The following NXN variants were observed in gnomAD, a reference collection of about 807,000 sequenced individuals.
NXN encodes nucleoredoxin 1.
NXN carries 16 observed loss-of-function variants against 48.6 expected under a neutral mutation model. The observed-to-expected ratio is 0.33, with a 90% CI of 0.22 to 0.50. NXN has a LOEUF of 0.50. Among genes scored for constraint, NXN ranks in the 20% least tolerant of loss-of-function variants. The probability of loss-of-function intolerance (pLI) is 0.98; values close to 1 mark genes in which losing one functional copy is unlikely to be tolerated. For synonymous variants in NXN, 281 were observed against 269.6 expected (o/e 1.04, Z -0.41); for missense variants, 492 against 605.5 (o/e 0.81, Z 1.97).
intron 1 of NXN, among the ~76,000 whole-genome samples, chr17:912,091 C>T (rs1431365478): frequency 2.0e-5 from 3 of 151,954 alleles, no homozygotes; most frequent in East Asian, 1.9e-4. Flanking sequence ...GCGCCCGCTA[C>T]CACGCACGGC....
At chr17:827,895 A>AG (rs1913220458) in intron 1 of NXN, among the ~76,000 whole-genome samples, 1 of 152,086 alleles carries the variant, frequency 6.6e-6, no homozygotes, top group South Asian at 2.1e-4. Context: ...CGAAGCGGTG[A>AG]GGGGCAGGGC....
At chr17:841,339 C>A (rs1256714510) in intron 1 of NXN, among the ~76,000 whole-genome samples, 1 of 152,090 alleles carries the variant, frequency 6.6e-6, no homozygotes, top group Non-Finnish European at 1.5e-5. Flanking sequence ...CCTGGTGCCG[C>A]CAACCCTGCC....
At chr17:875,528 C>G (rs899586101) in intron 1 of NXN, among the ~76,000 whole-genome samples, 16 of 152,152 alleles carry the variant, frequency 1.1e-4, no homozygotes, top group African/African-American at 3.6e-4. Flanking sequence ...TCACTACACA[C>G]TTAAGAGCAG....
chr17:924,062 C>T (rs947956652), intron 1 of NXN, among the ~76,000 whole-genome samples: 1 of 151,412 alleles, frequency 6.6e-6, no homozygotes. Flanking sequence ...TTTTCAAATT[C>T]TCAAAAAGTT....
intron 1 of NXN, among the ~76,000 whole-genome samples, chr17:971,177 C>T (rs2069373207): frequency 6.6e-6 from 1 of 151,970 alleles, no homozygotes; most frequent in Admixed American, 6.6e-5. Flanking sequence ...AACTCCCAAC[C>T]TCAGGTGATC....
At chr17:903,593 G>A (rs527407205) in intron 1 of NXN, among the ~76,000 whole-genome samples, 1 of 151,518 alleles carries the variant, frequency 6.6e-6, no homozygotes, top group South Asian at 2.1e-4. Flanking sequence ...TTGTTGCACA[G>A]GCTGGTCTCA....
chr17:812,923 T>TGC (rs1357621426), intron 5 of NXN, among the ~76,000 whole-genome samples: 2 of 149,180 alleles, frequency 1.3e-5, no homozygotes, highest in Non-Finnish European at 3.0e-5. Flanking sequence ...TGTAGGTGTG[T>TGC]GCGTGTGTGA....
chr17:827,122 T>C (rs1384183049), intron 1 of NXN, among the ~76,000 whole-genome samples: 1 of 152,028 alleles, frequency 6.6e-6, no homozygotes, highest in Non-Finnish European at 1.5e-5. Context: ...TTTGGGAGGA[T>C]CACCTGAGGT....
intron 5 of NXN, among the ~76,000 whole-genome samples, chr17:812,747 TGA>T (rs372701766): frequency 0.016 from 1,880 of 120,470 alleles, 24 homozygotes; most frequent in East Asian, 0.038. Context: ...GGTGCGTGAG[TGA>T]GAGTGTGCAT....
intron 1 of NXN, among the ~76,000 whole-genome samples, chr17:831,104 G>A (rs919029437): frequency 1.3e-5 from 2 of 151,892 alleles, no homozygotes; most frequent in Non-Finnish European, 1.5e-5. Flanking sequence ...ACAGGAAAAA[G>A]GGCGAGACCT....
chr17:862,895 G>T (rs535032582), intron 1 of NXN, among the ~76,000 whole-genome samples: 1 of 152,162 alleles, frequency 6.6e-6, no homozygotes, highest in South Asian at 2.1e-4. Context: ...TGCTCTAAAC[G>T]TATCAATGCT....
intron 1 of NXN, among the ~76,000 whole-genome samples, chr17:852,133 G>A (rs1165715698): frequency 1.3e-5 from 2 of 152,244 alleles, no homozygotes; most frequent in African/African-American, 2.4e-5. Flanking sequence ...ATCCCTGCAT[G>A]CCGGCCAAGG....
chr17:887,399 T>C (rs943016372), intron 1 of NXN, among the ~76,000 whole-genome samples: 2 of 152,044 alleles, frequency 1.3e-5, no homozygotes, highest in Non-Finnish European at 1.5e-5. Context: ...GTTCATGAGC[T>C]CTTGTCACCA....
intron 1 of NXN, among the ~76,000 whole-genome samples, chr17:859,272 G>A (rs2068018200): frequency 6.6e-6 from 1 of 152,174 alleles, no homozygotes; most frequent in Non-Finnish European, 1.5e-5. Flanking sequence ...GTTCAAAGCG[G>A]TCGTTTGGAA....
At chr17:850,421 G>A (rs1005204832) in intron 1 of NXN, among the ~76,000 whole-genome samples, 4 of 152,178 alleles carry the variant, frequency 2.6e-5, no homozygotes, top group Admixed American at 6.5e-5. Flanking sequence ...ATACACAAAC[G>A]TTTCACATGT....
intron 1 of NXN, among the ~76,000 whole-genome samples, chr17:972,565 A>C (rs1473892349): frequency 1.3e-5 from 2 of 152,176 alleles, no homozygotes; most frequent in African/African-American, 4.8e-5. Flanking sequence ...GAAGGATCCC[A>C]CCTAGTTCAC....
intron 1 of NXN, among the ~76,000 whole-genome samples, chr17:914,610 T>C (rs114861961): frequency 0.012 from 1,832 of 152,272 alleles, 35 homozygotes; most frequent in African/African-American, 0.039. Context: ...AACAAACATG[T>C]ATGAAATGCT....
At chr17:948,241 C>T (rs2069067898) in intron 1 of NXN, among the ~76,000 whole-genome samples, 1 of 151,980 alleles carries the variant, frequency 6.6e-6, no homozygotes, top group Admixed American at 6.6e-5. Flanking sequence ...CACAGGATTA[C>T]CCCATTTACC....
rs1913582565 is a variant in NXN, at chr17:833,074, G to C, written c.361-6996C>G. On this transcript the variant is annotated intron_variant, in intron 1 of 7. Coordinates refer to ENST00000336868, the MANE Select transcript of NXN (RefSeq NM_022463.5). ...CCCAGCTAATTTTTTGTATTTTTTA[G>C]TAGAGACGGGGTTTTACCGTGTCAG... Among the ~76,000 whole-genome samples the C allele has an allele frequency of 3.3e-5, 5 of 152,044 alleles. No individual in the cohort carries two copies. The South Asian group carries it at 1.0e-3, about 31-fold the overall frequency.
Sources: allele counts gnomAD v4.1 joint callset (sites outside exome capture counted in the v4.1 genomes callset), GRCh38; gene constraint gnomAD v4.1.1; transcripts MANE v1.5; gene names NCBI Gene and HGNC (gene_info 2026-07-23, HGNC 2026-07-21).